The following MYO9B variants were observed in gnomAD, a reference collection of about 807,000 sequenced individuals.
MYO9B encodes myosin IXB.
MYO9B carries 71 observed loss-of-function variants against 229.5 expected under a neutral mutation model. The ratio of observed to expected loss-of-function variants is 0.31; its 90% CI spans 0.26 to 0.38. The LOEUF is 0.38. Among genes scored for constraint, MYO9B ranks in the 10% least tolerant of loss-of-function variants. The pLI is 1.00. For synonymous variants in MYO9B, 1,185 were observed against 1,235.8 expected (o/e 0.96, Z 0.86); for missense variants, 2,255 against 2,920.5 (o/e 0.77, Z 5.25).
intron 1 of MYO9B, among the ~76,000 whole-genome samples, chr19:17,098,608 C>A (rs1184806175): frequency 6.6e-6 from 1 of 152,156 alleles, no homozygotes; most frequent in African/African-American, 2.4e-5. Flanking sequence ...CTTTTTCTTG[C>A]AACCTTCAGA....
At chr19:17,098,535 G>A (rs1379787326) in intron 1 of MYO9B, among the ~76,000 whole-genome samples, 1 of 152,136 alleles carries the variant, frequency 6.6e-6, no homozygotes, top group African/African-American at 2.4e-5. Flanking sequence ...GCCATTCTTG[G>A]TTGACTCATG....
intron 2 of MYO9B, among the ~76,000 whole-genome samples, chr19:17,118,320 G>A (rs1476900710): frequency 6.6e-6 from 1 of 151,692 alleles, no homozygotes; most frequent in Non-Finnish European, 1.5e-5. Context: ...CCTAGATGGA[G>A]GCCGGGAGCC....
rs977595588 is a variant in MYO9B, at chr19:17,212,668, A to G, written c.*358A>G. 4.0e-6 allele frequency: 1 copy of G among 253,058 alleles called. No individual in the cohort carries two copies. The highest frequency in any genetic ancestry group is 8.5e-5 in the East Asian group (1 of 11,742). 15.7% of individuals were successfully genotyped at this position (253,058 alleles called of 1,614,324 possible). On this transcript the variant is annotated 3_prime_UTR_variant, in exon 40 of 40. Coordinates refer to ENST00000682292, the MANE Select transcript of MYO9B (RefSeq NM_004145.4). This position sits in a 1 kb window ranked among gnomAD's most constrained non-coding sequence, Gnocchi z 5.4. The stretch of plus-strand genomic sequence containing the variant: ...AATGGAAGACCAAATGGTTTTTTAT[A>G]TGTGTATGTACAAAGTTTTCTATTA...
At chr19:17,115,469 C>CT (rs35124094) in intron 2 of MYO9B, among the ~76,000 whole-genome samples, 24,451 of 132,468 alleles carry the variant, frequency 0.18, 2,800 homozygotes, top group Non-Finnish European at 0.25. Context: ...TCACAGATGC[C>CT]TTTTTTTTTT....
intron 2 of MYO9B, among the ~76,000 whole-genome samples, chr19:17,125,929 C>T (rs1267390664): frequency 1.3e-5 from 2 of 152,182 alleles, no homozygotes; most frequent in African/African-American, 2.4e-5. Context: ...CCCCCACATC[C>T]GCAGGCCAAC....
chr19:17,202,824 T>C lies in MYO9B; in HGVS notation c.4837-18T>C. ...CCCAGGGGGGCCCCCGCCAACCTCCTCCTTGTGTTCCTCACAGCAGAGCAA... is the reference window on the plus strand; with the variant it reads ...CCCAGGGGGGCCCCCGCCAACCTCCCCCTTGTGTTCCTCACAGCAGAGCAA... On this transcript the variant is annotated intron_variant, in intron 28 of 39. Coordinates refer to ENST00000682292, the MANE Select transcript of MYO9B (RefSeq NM_004145.4). The C allele has an allele frequency of 6.3e-7, 1 of 1,583,570 alleles. No individual in the cohort carries two copies. The highest frequency in any genetic ancestry group is 8.6e-7 in the Non-Finnish European group (1 of 1,165,220).
chr19:17,162,493 G>T, intron 9 of MYO9B, 27 bp downstream of exon 9: 2 of 1,536,652 alleles, frequency 1.3e-6, no homozygotes, highest in South Asian at 2.4e-5. Flanking sequence ...GCTTCCTCAA[G>T]CCCGGCCAGG....
chr19:17,175,721 C>T lies in MYO9B; in HGVS notation c.2199C>T (p.Thr733=), dbSNP rs372397129. The T allele has an allele frequency of 6.3e-7, 1 of 1,575,302 alleles. No individual in the cohort carries two copies. Among genetic ancestry groups the T allele is most frequent in the Non-Finnish European group, 8.6e-7 (1 of 1,160,516 alleles). Residue 733 remains threonine (T), a synonymous_variant, in exon 14 of 40, where the codon ACC becomes ACT. Coordinates refer to ENST00000682292, the MANE Select transcript of MYO9B (RefSeq NM_004145.4). ...HPEELPRGAS[T]PSEKLYRDLH... The stretch of plus-strand genomic sequence containing the variant: ...AAGAGCTGCCAAGAGGAGCCAGCAC[C>T]CCTTCGGAAAAACTTTACCGGTGAG...
At chr19:17,088,418 C>T (rs926298717) in intron 1 of MYO9B, among the ~76,000 whole-genome samples, 4 of 152,150 alleles carry the variant, frequency 2.6e-5, no homozygotes, top group African/African-American at 7.2e-5. Flanking sequence ...TTGGGGAGCA[C>T]GAATGAACTC....
rs372756785 is a variant in MYO9B at position 17,172,918 on chromosome 19, C to A, written c.2095C>A (p.Arg699=). The change falls in exon 13 of 40, where the codon CGG becomes AGG. Residue 699 remains arginine (R), a synonymous_variant. Transcript: ENST00000682292. This position sits in a 1 kb window ranked among gnomAD's most constrained non-coding sequence, Gnocchi z 8.2. ...RAAIRAMAVL[R]EAGRLRAERA... is the part of the protein sequence containing the mutation. The stretch of plus-strand genomic sequence containing the variant: ...TGCTATCCGGGCCATGGCAGTGCTT[C>A]GGGAGGCCGGACGCCTGCGGGCCGA... 5.4e-5 allele frequency: 87 copies of A among 1,599,968 alleles called. 1 individual carries two copies. The highest frequency in any genetic ancestry group is 5.3e-5 in the Non-Finnish European group (63 of 1,179,656).
chr19:17,094,292 C>G (rs2057668169), intron 1 of MYO9B, among the ~76,000 whole-genome samples: 1 of 152,164 alleles, frequency 6.6e-6, no homozygotes, highest in Non-Finnish European at 1.5e-5. Context: ...ACCTTGGCCT[C>G]TCAAAGTACT....
intron 2 of MYO9B, among the ~76,000 whole-genome samples, chr19:17,123,424 TTG>T (rs3222984): frequency 0.027 from 3,940 of 146,840 alleles, 147 homozygotes; most frequent in East Asian, 0.21. Flanking sequence ...CAGTAGAAAT[TTG>T]TGTGTGTGTG....
At chr19:17,145,107 G>A (rs746129146) in intron 2 of MYO9B, among the ~76,000 whole-genome samples, 1 of 151,812 alleles carries the variant, frequency 6.6e-6, no homozygotes, top group South Asian at 2.1e-4. Context: ...GTGAAACCCC[G>A]TCTCTACTAA....
At position 17,157,161 on chromosome 19, in the gene MYO9B, G is replaced by A. The variant is rs528945653; in HGVS notation, c.1329+123G>A. On this transcript the variant is annotated intron_variant, in intron 7 of 39. Coordinates refer to ENST00000682292, the MANE Select transcript of MYO9B (RefSeq NM_004145.4). ...GAGGTTTCATCAACCAGGACCTCAC[G>A]TCTTCCGCTATCATCTCTACAGTGT... The A allele has an allele frequency of 1.7e-4, 202 of 1,212,950 alleles. No homozygotes were observed. In the African/African-American group the frequency reaches 2.7e-3, roughly 16 times the overall value. 75.1% of individuals were successfully genotyped at this position (1,212,950 alleles called of 1,614,324 possible).
rs2073242416 is a variant in MYO9B at position 17,212,426 on chromosome 19, A to G, written c.*116A>G. ...AGAAGGATCCAGAATCAAAAGCTCA[A>G]GAGTGACGTGAGGTGGGCACCGGCC... On this transcript the variant is annotated 3_prime_UTR_variant, in exon 40 of 40. Coordinates refer to ENST00000682292, the MANE Select transcript of MYO9B (RefSeq NM_004145.4). The surrounding 1 kb of genome is among the most constrained non-coding windows in gnomAD (Gnocchi z 5.4). 2 of 1,276,186 alleles carry G rather than the reference A, an allele frequency of 1.6e-6. No individual in the cohort carries two copies. The highest frequency in any genetic ancestry group is 5.5e-5 in the East Asian group (2 of 36,066). The allele number at this position is 1,276,186 out of a possible 1,614,324, so 79.1% of individuals were successfully genotyped here.
chr19:17,096,061 C>A (rs751475348), intron 1 of MYO9B, among the ~76,000 whole-genome samples: 1 of 152,122 alleles, frequency 6.6e-6, no homozygotes, highest in Non-Finnish European at 1.5e-5. Flanking sequence ...CATAAGCCAC[C>A]GCACTGGCCT....
intron 1 of MYO9B, among the ~76,000 whole-genome samples, chr19:17,094,060 G>A (rs1361165880): frequency 7.1e-6 from 1 of 141,174 alleles, no homozygotes; most frequent in Non-Finnish European, 1.5e-5. Context: ...TGTTAAGACG[G>A]AGTTTTGCTC....
intron 23 of MYO9B, 156 bp from the exon 24 acceptor site, chr19:17,198,028 C>T (rs1181266374): frequency 2.2e-6 from 3 of 1,350,618 alleles, no homozygotes; most frequent in Non-Finnish European, 3.0e-6. Context: ...GGCCACTGCA[C>T]TCCAGCCTGG....
Position 17,206,786 on chromosome 19 carries a change from C to G in MYO9B, c.5492+2C>G. 1 of 1,574,040 alleles carries G rather than the reference C, an allele frequency of 6.4e-7. No homozygotes were observed. Among genetic ancestry groups the G allele is most frequent in the Non-Finnish European group, 8.6e-7 (1 of 1,158,682 alleles). On this transcript the variant is annotated splice_donor_variant, in intron 34 of 39. Coordinates refer to ENST00000682292, the MANE Select transcript of MYO9B (RefSeq NM_004145.4). LOFTEE classifies it high-confidence loss of function. The stretch of plus-strand genomic sequence containing the variant: ...GAGACTCATCTTCCACCTTGTCAAG[C>G]AAGTGCCTCCCCACCTGCCCTCTGT...
Sources: allele counts gnomAD v4.1 joint callset (sites outside exome capture counted in the v4.1 genomes callset), GRCh38; gene constraint gnomAD v4.1.1; non-coding constraint Gnocchi (gnomAD v3.1); transcripts MANE v1.5; gene names NCBI Gene and HGNC (gene_info 2026-07-23, HGNC 2026-07-21).